The following STX1B variants were observed in gnomAD, a reference collection of about 807,000 sequenced individuals.
The protein encoded by STX1B is syntaxin 1B, also known as syntaxin-1B.
STX1B carries 7 observed loss-of-function variants against 39.4 expected under a neutral mutation model. That is an observed-to-expected ratio of 0.18 (90% CI 0.10 to 0.33). STX1B has a LOEUF of 0.33. Ranked by LOEUF, STX1B falls within the 10% of genes least tolerant of loss-of-function variation. STX1B has a pLI of 1.00. For missense variants in STX1B, 198 were observed against 383.2 expected (o/e 0.52, Z 4.04); for synonymous variants, 136 against 144.1 (o/e 0.94, Z 0.40).
At chr16:31,009,269 C>T (rs1049069031) in intron 1 of STX1B, among the ~76,000 whole-genome samples, 2 of 152,122 alleles carry the variant, frequency 1.3e-5, no homozygotes, top group Non-Finnish European at 2.9e-5. Context: ...TTGCAGTCTG[C>T]CCCCCACCCA....
At chr16:31,005,415 T>C (rs929404597) in intron 1 of STX1B, among the ~76,000 whole-genome samples, 3 of 152,044 alleles carry the variant, frequency 2.0e-5, no homozygotes, top group African/African-American at 7.2e-5. Flanking sequence ...ATGTGCTGAT[T>C]ACCACGAGTT....
rs367710164 is a variant in STX1B at position 30,996,947 on chromosome 16, G to T, written c.463+4C>A. The T allele has an allele frequency of 1.9e-6, 3 of 1,610,654 alleles. No individual in the cohort carries two copies. The highest frequency in any genetic ancestry group is 2.5e-6 in the Non-Finnish European group (3 of 1,178,190). ...CGGGGTCCTGGGGTGGGGGGCACAC[G>T]CACTGATCTCCAGTTGCCGCTGGAT... On this transcript the variant is annotated splice_donor_region_variant and intron_variant, in intron 6 of 9. Transcript: ENST00000215095.
At position 30,991,367 on chromosome 16, in the gene STX1B, G is replaced by C. The variant is rs2056556573; in HGVS notation, c.*1454C>G. On this transcript the variant is annotated 3_prime_UTR_variant, in exon 10 of 10. Coordinates refer to ENST00000215095, the MANE Select transcript of STX1B (RefSeq NM_052874.5). Reference sequence around the variant, plus strand: ...CATGCAGAGCCCTGAGGCTGGGCAGGCAGGGAGCTCTGCCTGCACAATGAT... The same window carrying C: ...CATGCAGAGCCCTGAGGCTGGGCAGCCAGGGAGCTCTGCCTGCACAATGAT... 1 of 152,746 alleles carries C rather than the reference G, an allele frequency of 6.5e-6. No individual in the cohort carries two copies. 9.5% of individuals were successfully genotyped at this position (152,746 alleles called of 1,614,324 possible).
intron 7 of STX1B, 110 bp from the exon 8 acceptor site, chr16:30,993,594 G>A (rs1364948198): frequency 3.8e-6 from 5 of 1,326,928 alleles, no homozygotes; most frequent in East Asian, 2.3e-5. Context: ...TGAAACCTTA[G>A]GCACATTATT....
intron 7 of STX1B, 146 bp downstream of exon 7, chr16:30,996,537 C>T (rs1043016529): frequency 4.4e-5 from 32 of 724,256 alleles, no homozygotes; most frequent in Non-Finnish European, 6.8e-5. Context: ...CCTTCCTGCT[C>T]CGCTCCCATG....
chr16:31,004,983 A>T (rs568108951), intron 1 of STX1B, among the ~76,000 whole-genome samples: 7 of 152,326 alleles, frequency 4.6e-5, no homozygotes, highest in African/African-American at 1.7e-4. Context: ...CCATGTCCTC[A>T]GGACTGCTGA....
intron 1 of STX1B, among the ~76,000 whole-genome samples, chr16:31,006,519 G>C (rs1478912830): frequency 2.0e-5 from 3 of 152,230 alleles, no homozygotes; most frequent in Non-Finnish European, 4.4e-5. Flanking sequence ...CAGTGGGGGA[G>C]GCAGACAATG....
intron 1 of STX1B, among the ~76,000 whole-genome samples, chr16:31,008,185 C>T (rs764987491): frequency 3.9e-5 from 6 of 152,006 alleles, no homozygotes; most frequent in Non-Finnish European, 5.9e-5. Context: ...TTGCTTTCAA[C>T]TGTAGCAGGG....
chr16:31,006,062 C>A (rs1288505907), intron 1 of STX1B, among the ~76,000 whole-genome samples: 1 of 152,146 alleles, frequency 6.6e-6, no homozygotes, highest in Non-Finnish European at 1.5e-5. Context: ...AACACAGAGG[C>A]GGCAAGAGAC....
Position 31,001,325 on chromosome 16 carries a change from C to A in STX1B, c.106-132G>T. 1 of 945,634 alleles carries A rather than the reference C, an allele frequency of 1.1e-6. No homozygotes were observed. Among genetic ancestry groups the A allele is most frequent in the Non-Finnish European group, 1.6e-6 (1 of 611,734 alleles). The allele number at this position is 945,634 out of a possible 1,614,324, so 58.6% of individuals were successfully genotyped here. On this transcript the variant is annotated intron_variant, in intron 2 of 9. Coordinates refer to ENST00000215095, the MANE Select transcript of STX1B (RefSeq NM_052874.5). This position sits in a 1 kb window ranked among gnomAD's most constrained non-coding sequence, Gnocchi z 5.5. Reference sequence around the variant, plus strand: ...TAAAAGGCCAGGGAGGGTGCAGGAGCAGGGAAGTGGGGGACAGGGAAAAGG... The same window carrying A: ...TAAAAGGCCAGGGAGGGTGCAGGAGAAGGGAAGTGGGGGACAGGGAAAAGG...
chr16:30,997,073 G>T lies in STX1B; in HGVS notation c.355-14C>A, dbSNP rs1025792105. The T allele has an allele frequency of 1.3e-6, 2 of 1,574,092 alleles. No homozygotes were observed. The highest frequency in any genetic ancestry group is 1.7e-6 in the Non-Finnish European group (2 of 1,144,872). On this transcript the variant is annotated splice_polypyrimidine_tract_variant and intron_variant, in intron 5 of 9. Coordinates refer to ENST00000215095, the MANE Select transcript of STX1B (RefSeq NM_052874.5). Reference sequence around the variant, plus strand: ...CAGTGTGGAGTGCTACGGTGGGGGTGGGGGGACAGACGGATCAGGGAGGTA... The same window carrying T: ...CAGTGTGGAGTGCTACGGTGGGGGTTGGGGGACAGACGGATCAGGGAGGTA...
At chr16:31,004,989 G>A (rs2056648404) in intron 1 of STX1B, among the ~76,000 whole-genome samples, 1 of 152,186 alleles carries the variant, frequency 6.6e-6, no homozygotes. Context: ...CCTCAGGACT[G>A]CTGAACTCCT....
intron 1 of STX1B, among the ~76,000 whole-genome samples, chr16:31,007,058 C>T (rs1266021170): frequency 6.6e-6 from 1 of 152,174 alleles, no homozygotes; most frequent in African/African-American, 2.4e-5. Context: ...CTGCAGTGAG[C>T]TGTGATTGCA....
chr16:31,003,643 C>A (rs2056642896), intron 1 of STX1B, among the ~76,000 whole-genome samples: 1 of 152,196 alleles, frequency 6.6e-6, no homozygotes, highest in Non-Finnish European at 1.5e-5. Context: ...TAATTTCAAT[C>A]TCTCCTGTTG....
chr16:31,004,734 T>C (rs1034262862), intron 1 of STX1B, among the ~76,000 whole-genome samples: 1 of 151,682 alleles, frequency 6.6e-6, no homozygotes, highest in Non-Finnish European at 1.5e-5. Flanking sequence ...CATTTGGCTC[T>C]ACCCCTGAGC....
chr16:30,997,431 C>A, intron 5 of STX1B, 71 bp downstream of exon 5: 1 of 1,392,466 alleles, frequency 7.2e-7, no homozygotes. Flanking sequence ...GGCCCTGGCC[C>A]GCCGGCCTCC....
At chr16:30,993,524 G>C (rs1171193811) in intron 7 of STX1B, 40 bp from the exon 8 acceptor site, 6 of 1,607,670 alleles carry the variant, frequency 3.7e-6, no homozygotes, top group African/African-American at 1.3e-5. Flanking sequence ...ACCCTTCTCC[G>C]CCATGAGCGC....
intron 1 of STX1B, among the ~76,000 whole-genome samples, chr16:31,008,500 C>G (rs1194840698): frequency 6.6e-6 from 1 of 152,076 alleles, no homozygotes; most frequent in Non-Finnish European, 1.5e-5. Flanking sequence ...TTCCATTTCC[C>G]TGGGTTTTGG....
chr16:30,992,736 C>A lies in STX1B; in HGVS notation c.*85G>T. The A allele has an allele frequency of 1.3e-6, 1 of 748,598 alleles. No homozygotes were observed. Among genetic ancestry groups the A allele is most frequent in the Non-Finnish European group, 2.2e-6 (1 of 463,572 alleles). The allele number at this position is 748,598 out of a possible 1,614,324, so 46.4% of individuals were successfully genotyped here. A position where few individuals can be genotyped will look rare whatever the true frequency, so the allele number is the denominator to read the frequency against. ...GTCTGTTTTGGGAGTGAGCCTGGAG[C>A]AGGGGATGGAGTGAAAGGGGTGGTG... On this transcript the variant is annotated 3_prime_UTR_variant, in exon 10 of 10. Coordinates refer to ENST00000215095, the MANE Select transcript of STX1B (RefSeq NM_052874.5).
Sources: gnomAD v4.1 joint callset for allele counts (sites outside exome capture counted in the v4.1 genomes callset) on GRCh38, gnomAD v4.1.1 for gene constraint, Gnocchi (gnomAD v3.1) non-coding constraint, MANE v1.5 for transcripts, NCBI Gene and HGNC (gene_info 2026-07-23, HGNC 2026-07-21) for gene names.